WASF1: variants seen among roughly 807,000 people sequenced by gnomAD.
WASF1 encodes actin-binding protein WASF1.
WASF1 carries 7 observed loss-of-function variants against 50.5 expected under a neutral mutation model. The ratio of observed to expected loss-of-function variants is 0.14; its 90% CI spans 0.08 to 0.26. The LOEUF (loss-of-function observed/expected upper bound fraction) is 0.26, where lower values mean the gene tolerates loss of function less well. Ranked by LOEUF, WASF1 falls within the 10% of genes least tolerant of loss-of-function variation. The pLI, the probability that WASF1 is intolerant of heterozygous loss-of-function variation, is 1.00. For missense variants in WASF1, 470 were observed against 694.7 expected (o/e 0.68, Z 3.64); for synonymous variants, 205 against 244.0 (o/e 0.84, Z 1.49).
At chr6:110,154,495 T>C (rs1019457231) in intron 3 of WASF1, among the ~76,000 whole-genome samples, 3 of 152,046 alleles carry the variant, frequency 2.0e-5, no homozygotes, top group African/African-American at 4.8e-5. Flanking sequence ...AAGAGAAAGA[T>C]ATAAATAGAA....
At chr6:110,131,435 A>G (rs918194554) in intron 3 of WASF1, among the ~76,000 whole-genome samples, 3 of 152,128 alleles carry the variant, frequency 2.0e-5, no homozygotes, top group African/African-American at 7.2e-5. Flanking sequence ...TCAAGTTTCT[A>G]TGTATTTTTA....
intron 2 of WASF1, among the ~76,000 whole-genome samples, chr6:110,175,655 C>T (rs1280929219): frequency 1.3e-5 from 2 of 152,110 alleles, no homozygotes; most frequent in African/African-American, 2.4e-5. Context: ...AGTAAAGTCA[C>T]GCAGAAGACT....
chr6:110,162,257 G>A (rs1012068838), intron 2 of WASF1, among the ~76,000 whole-genome samples: 3 of 151,078 alleles, frequency 2.0e-5, no homozygotes, highest in Non-Finnish European at 4.4e-5. Context: ...TCTGAGAGTC[G>A]ACTCTGACCT....
rs768720886 is a variant in WASF1, at chr6:110,101,661, C to G, written c.1449G>C (p.Glu483Asp). The G allele has an allele frequency of 2.9e-5, 47 of 1,613,920 alleles. No individual in the cohort carries two copies. Among genetic ancestry groups the G allele is most frequent in the Middle Eastern group, 1.6e-4 (1 of 6,076 alleles). ...GTAGGGTTGATGGATGGCGCTTTGG[C>G]TCAGAAGCAGGTATAACTTGTGATG... ...SPPSQVIPAS[E>D]PKRHPSTLPV... Residue 483 changes from glutamate (E) to aspartate (D), a missense_variant, in exon 10 of 11, where the codon GAG becomes GAC. Physicochemically the swap from Glu to Asp is conservative, Grantham distance 45 (BLOSUM62 2). Coordinates refer to ENST00000392589, the MANE Select transcript of WASF1 (RefSeq NM_003931.3).
intron 2 of WASF1, among the ~76,000 whole-genome samples, chr6:110,168,953 C>A (rs1776583581): frequency 6.6e-6 from 1 of 152,082 alleles, no homozygotes; most frequent in East Asian, 1.9e-4. Context: ...TCACTAGCAT[C>A]TCACATTCCT....
At chr6:110,102,537 C>G (rs1773140802) in intron 9 of WASF1, among the ~76,000 whole-genome samples, 1 of 152,114 alleles carries the variant, frequency 6.6e-6, no homozygotes, top group South Asian at 2.1e-4. Context: ...ACAGGAGTCT[C>G]TATAATGACT....
intron 2 of WASF1, among the ~76,000 whole-genome samples, chr6:110,167,710 TCTA>T (rs1439282830): frequency 6.6e-6 from 1 of 152,022 alleles, no homozygotes; most frequent in Non-Finnish European, 1.5e-5. Flanking sequence ...CATAGATAAT[TCTA>T]CTAATATTCG....
At chr6:110,164,057 C>T (rs1776372808) in intron 2 of WASF1, among the ~76,000 whole-genome samples, 2 of 151,558 alleles carry the variant, frequency 1.3e-5, no homozygotes. Flanking sequence ...AAAATGAACT[C>T]AGAATTGATT....
intron 3 of WASF1, among the ~76,000 whole-genome samples, chr6:110,160,037 C>G (rs892431378): frequency 4.6e-5 from 7 of 151,740 alleles, no homozygotes; most frequent in African/African-American, 1.7e-4. Flanking sequence ...TTCAAAAATA[C>G]CATCTTGAAA....
At chr6:110,116,222 C>T (rs899150279) in intron 4 of WASF1, among the ~76,000 whole-genome samples, 13 of 152,170 alleles carry the variant, frequency 8.5e-5, no homozygotes, top group African/African-American at 2.7e-4. Context: ...TGAAGCAGGG[C>T]GAGGCATTGC....
chr6:110,162,870 T>C (rs1776317108), intron 2 of WASF1, among the ~76,000 whole-genome samples: 1 of 151,654 alleles, frequency 6.6e-6, no homozygotes, highest in Non-Finnish European at 1.5e-5. Flanking sequence ...TGTTCCCTCT[T>C]ACAATATCAC....
chr6:110,160,459 A>C (rs1776217619), intron 3 of WASF1, among the ~76,000 whole-genome samples, 176 bp downstream of exon 3: 1 of 151,504 alleles, frequency 6.6e-6, no homozygotes, highest in South Asian at 2.1e-4. Flanking sequence ...CTATTGTAAA[A>C]CCACCAACGT....
At chr6:110,148,504 G>GT (rs1491251011) in intron 3 of WASF1, among the ~76,000 whole-genome samples, 2 of 152,118 alleles carry the variant, frequency 1.3e-5, no homozygotes, top group Non-Finnish European at 2.9e-5. Context: ...AAGCTTGTGC[G>GT]TGTGTTTTCA....
At chr6:110,128,893 G>T (rs1217252583) in intron 3 of WASF1, among the ~76,000 whole-genome samples, 1 of 152,192 alleles carries the variant, frequency 6.6e-6, no homozygotes, top group Non-Finnish European at 1.5e-5. Context: ...CTGCACACGT[G>T]AGGGGTCTAG....
At chr6:110,139,955 T>C (rs1018249538) in intron 3 of WASF1, among the ~76,000 whole-genome samples, 3 of 152,214 alleles carry the variant, frequency 2.0e-5, no homozygotes, top group African/African-American at 4.8e-5. Flanking sequence ...ACTTGTAATA[T>C]TATGAAATAT....
intron 2 of WASF1, among the ~76,000 whole-genome samples, chr6:110,166,321 A>G (rs184791512): frequency 1.3e-3 from 200 of 151,816 alleles, no homozygotes; most frequent in Non-Finnish European, 2.1e-3. Context: ...TTTACCCTGA[A>G]AAGATTTTAA....
At chr6:110,163,018 A>G (rs1388666682) in intron 2 of WASF1, among the ~76,000 whole-genome samples, 1 of 151,698 alleles carries the variant, frequency 6.6e-6, no homozygotes, top group Non-Finnish European at 1.5e-5. Context: ...AACTCTTGGA[A>G]CTAGTAAGCA....
chr6:110,112,160 AT>A (rs1045642475), intron 5 of WASF1, among the ~76,000 whole-genome samples: 1 of 151,722 alleles, frequency 6.6e-6, no homozygotes, highest in African/African-American at 2.4e-5. Context: ...ATCCTTTAGT[AT>A]TTTTATTGTT....
intron 9 of WASF1, 26 bp from the exon 10 acceptor site, chr6:110,102,242 A>C: frequency 1.5e-6 from 2 of 1,363,562 alleles, no homozygotes; most frequent in Non-Finnish European, 1.9e-6. Flanking sequence ...GATTCTAGCA[A>C]GTTATTAAAA....
Sources: gnomAD v4.1 joint callset for allele counts (sites outside exome capture counted in the v4.1 genomes callset) on GRCh38, gnomAD v4.1.1 for gene constraint, MANE v1.5 for transcripts, NCBI Gene and HGNC (gene_info 2026-07-23, HGNC 2026-07-21) for gene names.